KHDRBS2: variants seen among roughly 807,000 people sequenced by gnomAD.
KHDRBS2 encodes the protein KH RNA binding domain containing, signal transduction associated 2.
A neutral mutation model predicts 44.3 loss-of-function variants in KHDRBS2; 26 were observed. That is an observed-to-expected ratio of 0.59 (90% CI 0.43 to 0.81). KHDRBS2 has a LOEUF of 0.81. Among genes scored for constraint, KHDRBS2 ranks in the 40% least tolerant of loss-of-function variants. The probability of loss-of-function intolerance (pLI) is 0.00; values close to 1 mark genes in which losing one functional copy is unlikely to be tolerated. For missense variants in KHDRBS2, 476 were observed against 433.1 expected (o/e 1.10, Z -0.88); for synonymous variants, 194 against 151.1 (o/e 1.28, Z -2.08).
intron 2 of KHDRBS2, among the ~76,000 whole-genome samples, chr6:62,107,716 A>C (rs1354333401): frequency 1.3e-5 from 2 of 152,198 alleles, no homozygotes; most frequent in African/African-American, 2.4e-5. Flanking sequence ...ACAATAACCA[A>C]AACAGCATGG....
At chr6:61,996,455 T>A (rs1777181199) in intron 3 of KHDRBS2, among the ~76,000 whole-genome samples, 1 of 152,192 alleles carries the variant, frequency 6.6e-6, no homozygotes, top group Non-Finnish European at 1.5e-5. Context: ...TATATCTATA[T>A]TCCTACATGT....
intron 2 of KHDRBS2, among the ~76,000 whole-genome samples, chr6:62,135,229 G>A (rs1320759488): frequency 6.6e-6 from 1 of 152,146 alleles, no homozygotes; most frequent in African/African-American, 2.4e-5. Flanking sequence ...TAAGTCTCAT[G>A]AGATCCAATA....
In KHDRBS2 at chr6:61,751,534, C is replaced by T. The variant is rs373332067; in HGVS notation, c.811-18770G>A. ...ATCTGCTACATGACACAAGTCTGAA[C>T]TGTCCATGCTGCAATTCATCCTGAG... On this transcript the variant is annotated intron_variant, in intron 6 of 8. Transcript: ENST00000281156. Among the ~76,000 whole-genome samples the T allele has an allele frequency of 5.3e-5, 8 of 152,178 alleles. No individual in the cohort carries two copies. In the East Asian group the frequency reaches 1.2e-3, roughly 22 times the overall value.
intron 2 of KHDRBS2, 118 bp downstream of exon 2, chr6:62,177,067 C>T: frequency 1.7e-6 from 1 of 582,516 alleles, no homozygotes; most frequent in South Asian, 3.7e-5. Flanking sequence ...CATGTGCTTG[C>T]ATACACTTAC....
chr6:62,273,737 A>C (rs1039629482), intron 1 of KHDRBS2, among the ~76,000 whole-genome samples: 2 of 151,952 alleles, frequency 1.3e-5, no homozygotes, highest in Non-Finnish European at 2.9e-5. Context: ...CCAACTCTCC[A>C]CCTGCATTTT....
intron 6 of KHDRBS2, among the ~76,000 whole-genome samples, chr6:61,735,805 GA>G (rs151135036): frequency 0.089 from 13,513 of 151,718 alleles, 757 homozygotes; most frequent in East Asian, 0.24. Flanking sequence ...AGTCTAGGCT[GA>G]AAAAAAATGA....
At chr6:61,580,403 T>A in the KHDRBS2 span, among the ~76,000 whole-genome samples, 47 of 152,244 alleles carry the variant, frequency 3.1e-4, no homozygotes, top group Middle Eastern at 0.01. Context: ...ATCAGCAGGA[T>A]GAGGGCAAGG....
intron 3 of KHDRBS2, among the ~76,000 whole-genome samples, chr6:62,017,140 C>T (rs1324215564): frequency 2.1e-4 from 32 of 152,026 alleles, no homozygotes; most frequent in Admixed American, 1.9e-3. Flanking sequence ...ATATATACTA[C>T]GTTCTTTCTT....
At chr6:62,155,998 C>A (rs1279217052) in intron 2 of KHDRBS2, among the ~76,000 whole-genome samples, 1 of 152,138 alleles carries the variant, frequency 6.6e-6, no homozygotes, top group Non-Finnish European at 1.5e-5. Flanking sequence ...GCAGCAATTT[C>A]TCTGTCTAGT....
chr6:61,588,206 C>A, the KHDRBS2 span, among the ~76,000 whole-genome samples: 1 of 152,080 alleles, frequency 6.6e-6, no homozygotes. Flanking sequence ...TGCTTGTTCA[C>A]TTTGTAAATT....
intron 1 of KHDRBS2, among the ~76,000 whole-genome samples, chr6:62,182,077 C>T (rs182676423): frequency 3.3e-5 from 5 of 152,106 alleles, no homozygotes; most frequent in Admixed American, 3.3e-4. Flanking sequence ...TAAGCCCCCA[C>T]CAGAAACCAA....
intron 7 of KHDRBS2, among the ~76,000 whole-genome samples, chr6:61,705,974 G>A (rs1769470315): frequency 6.6e-6 from 1 of 151,764 alleles, no homozygotes. Flanking sequence ...ATGAGGTCAG[G>A]GCTATTTGCA....
intron 5 of KHDRBS2, among the ~76,000 whole-genome samples, chr6:61,899,467 T>C (rs1803529178): frequency 1.3e-5 from 2 of 152,034 alleles, no homozygotes; most frequent in Admixed American, 6.6e-5. Context: ...GATCTGTATG[T>C]TATATGGGAT....
chr6:61,552,940 G>C, the KHDRBS2 span, among the ~76,000 whole-genome samples: 1 of 152,106 alleles, frequency 6.6e-6, no homozygotes, highest in Non-Finnish European at 1.5e-5. Flanking sequence ...GTTCATCAAG[G>C]GTACTGGCCT....
intron 2 of KHDRBS2, among the ~76,000 whole-genome samples, chr6:62,123,419 T>G (rs1808176711): frequency 6.6e-6 from 1 of 152,210 alleles, no homozygotes. Context: ...TACCCAGTAA[T>G]GGGATGGCTG....
the KHDRBS2 span, among the ~76,000 whole-genome samples, chr6:61,655,719 A>T: frequency 7.9e-3 from 1,201 of 152,194 alleles, 17 homozygotes; most frequent in African/African-American, 0.027. Context: ...AGAAATTGCA[A>T]TGTTAATATC....
chr6:61,827,740 C>A (rs1341654480), intron 6 of KHDRBS2, among the ~76,000 whole-genome samples: 1 of 152,114 alleles, frequency 6.6e-6, no homozygotes, highest in Non-Finnish European at 1.5e-5. Context: ...GCAGATAATA[C>A]CCTCTTGCCA....
chr6:62,029,195 A>G (rs1783905602), intron 3 of KHDRBS2, among the ~76,000 whole-genome samples: 2 of 152,032 alleles, frequency 1.3e-5, no homozygotes, highest in Non-Finnish European at 2.9e-5. Flanking sequence ...TACTTTAACA[A>G]TGTTAAATTA....
the KHDRBS2 span, among the ~76,000 whole-genome samples, chr6:61,588,774 AG>A: frequency 1.3e-5 from 2 of 152,094 alleles, no homozygotes; most frequent in African/African-American, 2.4e-5. Context: ...CATGGCTGAC[AG>A]GGCAAGACCC....
Sources: allele counts gnomAD v4.1 joint callset (sites outside exome capture counted in the v4.1 genomes callset), GRCh38; gene constraint gnomAD v4.1.1; transcripts MANE v1.5; gene names NCBI Gene and HGNC (gene_info 2026-07-23, HGNC 2026-07-21).